The following ZFHX3 variants were observed in gnomAD, a reference collection of about 807,000 sequenced individuals.
The protein encoded by ZFHX3 is zinc finger homeobox protein 3.
In ZFHX3, 42 loss-of-function variants were observed where a neutral mutation model predicts 279.1. The observed-to-expected ratio is 0.15, with a 90% confidence interval of 0.12 to 0.19. The LOEUF (loss-of-function observed/expected upper bound fraction) is 0.19, where lower values mean the gene tolerates loss of function less well. ZFHX3 is among the 10% of genes least tolerant of loss of function. ZFHX3 has a pLI of 1.00. For missense variants in ZFHX3, 4,981 were observed against 4,754.0 expected, an observed-to-expected ratio of 1.05 and a Z score of -1.40; for synonymous variants, 2,293 against 1,957.8, an observed-to-expected ratio of 1.17 and a Z score of -4.52.
At chr16:72,920,357 T>A (rs2039552298) in intron 3 of ZFHX3, among the ~76,000 whole-genome samples, 1 of 152,036 alleles carries the variant, frequency 6.6e-6, no homozygotes, top group African/African-American at 2.4e-5. Context: ...GCCCCTGGAT[T>A]CCATTATGAT....
chr16:72,907,788 ATCC>A (rs1373022153), intron 3 of ZFHX3, among the ~76,000 whole-genome samples: 2 of 150,402 alleles, frequency 1.3e-5, no homozygotes, highest in African/African-American at 4.9e-5. Context: ...GGCTCAAGTG[ATCC>A]TCCCACCTCT....
chr16:73,673,925 G>A (rs1041923175), intron 2 of ZFHX3, among the ~76,000 whole-genome samples: 3 of 152,148 alleles, frequency 2.0e-5, no homozygotes, highest in African/African-American at 4.8e-5. Flanking sequence ...CAAGGAGACA[G>A]GTATGAGAGC....
intron 4 of ZFHX3, among the ~76,000 whole-genome samples, chr16:72,884,803 T>TC (rs1039250111): frequency 5.3e-5 from 8 of 152,174 alleles, no homozygotes; most frequent in Non-Finnish European, 8.8e-5. Flanking sequence ...CTGAGAGCTC[T>TC]CCATTTTTCA....
At chr16:73,765,270 G>T (rs1242807233) in intron 1 of ZFHX3, among the ~76,000 whole-genome samples, 1 of 152,178 alleles carries the variant, frequency 6.6e-6, no homozygotes, top group Non-Finnish European at 1.5e-5. Flanking sequence ...GAGCAAATGG[G>T]TGGTGGTTGT....
intron 4 of ZFHX3, among the ~76,000 whole-genome samples, chr16:72,888,948 G>A (rs1472483613): frequency 6.6e-6 from 1 of 152,134 alleles, no homozygotes; most frequent in African/African-American, 2.4e-5. Context: ...AAAGAGGTAA[G>A]TGACTGTCTT....
chr16:73,468,486 AGC>A (rs2018609981), intron 2 of ZFHX3, among the ~76,000 whole-genome samples: 1 of 152,206 alleles, frequency 6.6e-6, no homozygotes, highest in African/African-American at 2.4e-5. Flanking sequence ...CTGTAGTCCC[AGC>A]ACTTTGGGAG....
chr16:73,125,788 A>G (rs1269085470), intron 7 of ZFHX3, among the ~76,000 whole-genome samples: 2 of 151,934 alleles, frequency 1.3e-5, no homozygotes, highest in Non-Finnish European at 2.9e-5. Flanking sequence ...CCATATATAT[A>G]TATGTGTGTA....
chr16:72,849,486 G>A (rs1018222385), intron 4 of ZFHX3, among the ~76,000 whole-genome samples: 3 of 152,120 alleles, frequency 2.0e-5, no homozygotes, highest in South Asian at 4.1e-4. Flanking sequence ...TGGTGCCCAC[G>A]ATCCTGCCTA....
intron 8 of ZFHX3, among the ~76,000 whole-genome samples, chr16:73,076,484 T>A (rs989630100): frequency 2.0e-5 from 3 of 152,194 alleles, no homozygotes; most frequent in Non-Finnish European, 2.9e-5. Context: ...CTCAGGGGGA[T>A]GTTGTGAAGA....
intron 1 of ZFHX3, among the ~76,000 whole-genome samples, chr16:73,888,461 G>C (rs1050435110): frequency 6.6e-6 from 1 of 152,146 alleles, no homozygotes; most frequent in African/African-American, 2.4e-5. Context: ...GATGGGTGTG[G>C]CAACACATTT....
intron 3 of ZFHX3, among the ~76,000 whole-genome samples, chr16:73,452,637 A>G (rs2018296891): frequency 1.3e-5 from 2 of 152,228 alleles, no homozygotes; most frequent in African/African-American, 4.8e-5. Context: ...TAGGAAAACC[A>G]TTCCTACTCC....
At chr16:72,852,501 G>C (rs1220613686) in intron 4 of ZFHX3, among the ~76,000 whole-genome samples, 1 of 152,176 alleles carries the variant, frequency 6.6e-6, no homozygotes, top group African/African-American at 2.4e-5. Flanking sequence ...ACATACATTT[G>C]ACTGGCTATT....
At chr16:72,904,889 T>C (rs1290217555) in intron 3 of ZFHX3, among the ~76,000 whole-genome samples, 1 of 152,162 alleles carries the variant, frequency 6.6e-6, no homozygotes, top group Non-Finnish European at 1.5e-5. Context: ...TAGAGTGCAG[T>C]AGTGCCATCT....
At chr16:73,731,132 T>C (rs1382378428) in intron 1 of ZFHX3, among the ~76,000 whole-genome samples, 1 of 152,238 alleles carries the variant, frequency 6.6e-6, no homozygotes, top group East Asian at 1.9e-4. Context: ...CTGCGCTCTG[T>C]ATTTTTTTGT....
chr16:72,944,271 T>G (rs1486725392), intron 3 of ZFHX3, among the ~76,000 whole-genome samples: 1 of 151,978 alleles, frequency 6.6e-6, no homozygotes, highest in African/African-American at 2.4e-5. Flanking sequence ...AGCGACAGAG[T>G]GAGACCCTGT....
chr16:73,678,478 C>T (rs974366345), intron 2 of ZFHX3, among the ~76,000 whole-genome samples: 1 of 151,984 alleles, frequency 6.6e-6, no homozygotes, highest in Admixed American at 6.6e-5. Context: ...TCAGTATTTT[C>T]CAAATTTTTC....
At chr16:73,022,354 T>C (rs973436895) in intron 1 of ZFHX3, among the ~76,000 whole-genome samples, 1 of 151,760 alleles carries the variant, frequency 6.6e-6, no homozygotes, top group Admixed American at 6.6e-5. Flanking sequence ...AGGCAGATGG[T>C]GAAAGGCAGG....
At chr16:72,852,172 CT>C (rs150585288) in intron 4 of ZFHX3, among the ~76,000 whole-genome samples, 4,888 of 152,252 alleles carry the variant, frequency 0.032, 276 homozygotes, top group African/African-American at 0.11. Flanking sequence ...TAATTTTGAT[CT>C]GTTGATCAAC....
At chr16:73,037,430 CAGGGCTGTTCTGTTTACT>C (rs887661761) in intron 1 of ZFHX3, among the ~76,000 whole-genome samples, 6 of 152,300 alleles carry the variant, frequency 3.9e-5, no homozygotes, top group Admixed American at 3.9e-4. Context: ...ACCTGCCACC[CAGGGCTGTTCTGTTTACT>C]AGGAAAGTCT....
Sources: gnomAD v4.1 joint callset for allele counts (sites outside exome capture counted in the v4.1 genomes callset) on GRCh38, gnomAD v4.1.1 for gene constraint, MANE v1.5 for transcripts, NCBI Gene and HGNC (gene_info 2026-07-23, HGNC 2026-07-21) for gene names.